Variants in GAREM1 observed in about 807,000 individuals in gnomAD.
GAREM1 encodes GRB2 associated regulator of MAPK1 subtype 1.
In GAREM1, 26 loss-of-function variants were observed where a neutral mutation model predicts 71.3. The observed-to-expected ratio is 0.36, with a 90% CI of 0.27 to 0.51. The LOEUF is 0.51. GAREM1 is among the 20% of genes least tolerant of loss of function. GAREM1 has a pLI of 0.95. For synonymous variants in GAREM1, 440 were observed against 433.2 expected, an observed-to-expected ratio of 1.02 and a Z score of -0.20; for missense variants, 1,026 against 1,103.1, an observed-to-expected ratio of 0.93 and a Z score of 0.99.
intron 1 of GAREM1, among the ~76,000 whole-genome samples, chr18:32,465,335 A>G (rs540122443): frequency 6.6e-6 from 1 of 152,358 alleles, no homozygotes; most frequent in Admixed American, 6.5e-5. Context: ...GATCCGAGAA[A>G]GACCTCTGAT....
chr18:32,336,347 G>A (rs1327165406), intron 2 of GAREM1, among the ~76,000 whole-genome samples: 4 of 151,264 alleles, frequency 2.6e-5, no homozygotes, highest in Admixed American at 2.6e-4. Flanking sequence ...GGAGAATGGC[G>A]TGAACCCGGG....
chr18:32,393,469 A>C (rs895130507), intron 1 of GAREM1, among the ~76,000 whole-genome samples: 1 of 152,144 alleles, frequency 6.6e-6, no homozygotes, highest in Non-Finnish European at 1.5e-5. Flanking sequence ...TGAAATGTTA[A>C]CATGTCTAAG....
intron 1 of GAREM1, among the ~76,000 whole-genome samples, chr18:32,463,663 G>A (rs570745607): frequency 5.0e-4 from 74 of 148,594 alleles, no homozygotes; most frequent in Admixed American, 2.1e-3. Flanking sequence ...TCCACCTCCC[G>A]GGTTCAAGCG....
chr18:32,306,276 T>C (rs1221345846), intron 3 of GAREM1, among the ~76,000 whole-genome samples: 1 of 152,168 alleles, frequency 6.6e-6, no homozygotes, highest in African/African-American at 2.4e-5. Flanking sequence ...CTCACTGCTA[T>C]CCTATCCAGT....
rs1403791025 is a variant in GAREM1 at position 32,265,622 on chromosome 18, T to C, written c.*2249A>G. On this transcript the variant is annotated 3_prime_UTR_variant, in exon 6 of 6. Transcript: ENST00000269209. ...AAGGAGTCTCTGCGTTGCCAATCAATATAAACTTGACAAAAATACACCAAG... is the reference window on the plus strand; with the variant it reads ...AAGGAGTCTCTGCGTTGCCAATCAACATAAACTTGACAAAAATACACCAAG... The C allele has an allele frequency of 6.6e-6, 1 of 152,136 alleles. No homozygotes were observed. Among genetic ancestry groups the C allele is most frequent in the Non-Finnish European group, 1.5e-5 (1 of 68,034 alleles). The allele number at this position is 152,136 out of a possible 1,614,324, so 9.4% of individuals were successfully genotyped here.
intron 4 of GAREM1, among the ~76,000 whole-genome samples, chr18:32,274,808 G>A (rs1300104717): frequency 1.3e-5 from 2 of 152,056 alleles, no homozygotes; most frequent in Non-Finnish European, 2.9e-5. Context: ...TATATTTAAT[G>A]AGCCTGCGAG....
chr18:32,405,907 T>C (rs149815669), intron 1 of GAREM1, among the ~76,000 whole-genome samples: 99 of 152,368 alleles, frequency 6.5e-4, no homozygotes, highest in African/African-American at 2.1e-3. Flanking sequence ...TGTGATACTA[T>C]GCCTGTGATG....
chr18:32,418,244 T>C (rs1340353634), intron 1 of GAREM1, among the ~76,000 whole-genome samples: 1 of 152,212 alleles, frequency 6.6e-6, no homozygotes, highest in Admixed American at 6.5e-5. Context: ...CCTTGTGAGA[T>C]AGTCAAAATT....
At chr18:32,294,358 T>G (rs532683348) in intron 3 of GAREM1, among the ~76,000 whole-genome samples, 4 of 152,152 alleles carry the variant, frequency 2.6e-5, no homozygotes, top group Non-Finnish European at 5.9e-5. Context: ...ATGGCAAAAG[T>G]TGGTGAATCT....
chr18:32,347,060 C>A (rs1567973575), intron 2 of GAREM1, among the ~76,000 whole-genome samples: 1 of 152,074 alleles, frequency 6.6e-6, no homozygotes. Flanking sequence ...AGGTTTGGGG[C>A]CTTTAATTTA....
intron 2 of GAREM1, among the ~76,000 whole-genome samples, chr18:32,342,014 A>G (rs1212005968): frequency 6.6e-6 from 1 of 152,110 alleles, no homozygotes; most frequent in Non-Finnish European, 1.5e-5. Flanking sequence ...CCACCAAAAA[A>G]GAAAAAAAAA....
chr18:32,378,057 T>TGTGTGTGC (rs1293817110), intron 2 of GAREM1, among the ~76,000 whole-genome samples: 258 of 127,580 alleles, frequency 2.0e-3, no homozygotes, highest in East Asian at 6.8e-3. Context: ...TGTGTGTGTG[T>TGTGTGTGC]GCGCGCGGGC....
chr18:32,328,016 T>C (rs1368193452), intron 2 of GAREM1, among the ~76,000 whole-genome samples: 2 of 152,170 alleles, frequency 1.3e-5, no homozygotes, highest in Non-Finnish European at 2.9e-5. Context: ...CAAGATTCCA[T>C]AAGAGAATTA....
intron 4 of GAREM1, 31 bp from the exon 5 acceptor site, chr18:32,270,414 A>G: frequency 6.3e-7 from 1 of 1,579,532 alleles, no homozygotes; most frequent in Non-Finnish European, 8.6e-7. Context: ...CCAGGTTAGC[A>G]ACAGACTGAC....
intron 2 of GAREM1, among the ~76,000 whole-genome samples, chr18:32,361,870 A>G (rs1177314434): frequency 6.6e-6 from 1 of 152,214 alleles, no homozygotes; most frequent in Non-Finnish European, 1.5e-5. Context: ...TTTTGGAGAC[A>G]TATGTACCAG....
At chr18:32,334,040 T>C (rs910504467) in intron 2 of GAREM1, among the ~76,000 whole-genome samples, 1 of 152,162 alleles carries the variant, frequency 6.6e-6, no homozygotes, top group Non-Finnish European at 1.5e-5. Context: ...GACCATATTG[T>C]GCACTGAGCA....
At chr18:32,271,158 G>A (rs541388942) in intron 4 of GAREM1, among the ~76,000 whole-genome samples, 2 of 152,000 alleles carry the variant, frequency 1.3e-5, no homozygotes, top group East Asian at 1.9e-4. Flanking sequence ...ATGAGCCACC[G>A]TTCCTGGCCA....
intron 1 of GAREM1, among the ~76,000 whole-genome samples, chr18:32,451,404 T>A (rs1487318974): frequency 1.3e-5 from 2 of 152,206 alleles, no homozygotes; most frequent in African/African-American, 4.8e-5. Flanking sequence ...TTGGAGTTGC[T>A]ACTGCCACCA....
At chr18:32,321,319 G>T (rs1598959408) in intron 2 of GAREM1, among the ~76,000 whole-genome samples, 1 of 152,134 alleles carries the variant, frequency 6.6e-6, no homozygotes, top group East Asian at 1.9e-4. Context: ...TTTCTCCTTT[G>T]CCTTTGCTCA....
Sources: allele counts gnomAD v4.1 joint callset (sites outside exome capture counted in the v4.1 genomes callset), GRCh38; gene constraint gnomAD v4.1.1; transcripts MANE v1.5; gene names NCBI Gene and HGNC (gene_info 2026-07-23, HGNC 2026-07-21).